ANKRD17: variants seen among roughly 807,000 people sequenced by gnomAD.
The protein encoded by ANKRD17 is ankyrin repeat domain 17, also known as ankyrin repeat domain-containing protein 17.
A neutral mutation model predicts 229.7 loss-of-function variants in ANKRD17; 19 were observed. The ratio of observed to expected loss-of-function variants is 0.08; its 90% CI spans 0.06 to 0.12. ANKRD17 has a LOEUF of 0.12. Ranked by LOEUF, ANKRD17 falls within the 10% of genes least tolerant of loss-of-function variation. ANKRD17 has a pLI of 1.00. For synonymous variants in ANKRD17, 1,112 were observed against 1,146.1 expected (o/e 0.97, Z 0.60); for missense variants, 2,176 against 3,176.8 (o/e 0.68, Z 7.57).
Position 73,156,032 on chromosome 4 carries a change from T to A in ANKRD17, c.839A>T (p.Tyr280Phe). 1 of 1,594,284 alleles carries A rather than the reference T, an allele frequency of 6.3e-7. No individual in the cohort carries two copies. Among genetic ancestry groups the A allele is most frequent in the Non-Finnish European group, 8.5e-7 (1 of 1,174,638 alleles). ...LLCLACSAGY[Y>F]ELAQVLLAMH... is the part of the protein sequence containing the mutation. ...GATAATACGAACCTGTGCAAGCTCA[T>A]AGTATCCAGCAGAACAAGCTAAACA... is the stretch of plus-strand genomic sequence containing the variant. Residue 280 changes from tyrosine to phenylalanine, a missense_variant, in exon 4 of 34, where the codon TAT (tyrosine) becomes TTT (phenylalanine). Physicochemically the swap from Tyr to Phe is conservative, Grantham distance 22. Transcript: ENST00000358602.
At chr4:73,177,017 G>T (rs961690178) in intron 2 of ANKRD17, among the ~76,000 whole-genome samples, 3 of 152,158 alleles carry the variant, frequency 2.0e-5, no homozygotes, top group Non-Finnish European at 2.9e-5. Context: ...TGCATGTAGG[G>T]TGATTCAAAT....
At chr4:73,125,426 A>G in intron 16 of ANKRD17, 114 bp from the exon 17 acceptor site, 1 of 809,390 alleles carries the variant, frequency 1.2e-6, no homozygotes. Context: ...ACTCTACAAT[A>G]TCAAGCATTT....
chr4:73,164,887 A>C (rs1027405679), intron 2 of ANKRD17, among the ~76,000 whole-genome samples: 2 of 150,414 alleles, frequency 1.3e-5, no homozygotes, highest in Admixed American at 6.6e-5. Flanking sequence ...ATTCAGATAG[A>C]GGGCACATTA....
At chr4:73,085,489 G>T in intron 29 of ANKRD17, 43 bp from the exon 30 acceptor site, 1 of 1,503,376 alleles carries the variant, frequency 6.7e-7, no homozygotes, top group Non-Finnish European at 9.2e-7. Context: ...AGTTACTCCT[G>T]CAAGAAATAG....
At chr4:73,236,859 G>A (rs1743558145) in intron 1 of ANKRD17, among the ~76,000 whole-genome samples, 1 of 152,176 alleles carries the variant, frequency 6.6e-6, no homozygotes, top group African/African-American at 2.4e-5. Context: ...AGGTTAAGTA[G>A]TAACTGTCCC....
chr4:73,159,972 T>C (rs1186267195), intron 3 of ANKRD17, among the ~76,000 whole-genome samples: 1 of 152,160 alleles, frequency 6.6e-6, no homozygotes, highest in Non-Finnish European at 1.5e-5. Flanking sequence ...CTCTTAAAAA[T>C]GTTGTATGAA....
intron 30 of ANKRD17, among the ~76,000 whole-genome samples, chr4:73,083,543 G>T (rs906214419): frequency 3.1e-4 from 47 of 152,102 alleles, no homozygotes; most frequent in African/African-American, 1.1e-3. Flanking sequence ...GAAATTTTTT[G>T]TAACAAAATA....
intron 16 of ANKRD17, among the ~76,000 whole-genome samples, chr4:73,132,494 G>C (rs1325683384): frequency 6.6e-6 from 1 of 152,026 alleles, no homozygotes; most frequent in Admixed American, 6.6e-5. Context: ...TTTTTTCCAA[G>C]GTAGGAACTT....
At chr4:73,199,662 T>C in intron 1 of ANKRD17, among the ~76,000 whole-genome samples, 1 of 152,184 alleles carries the variant, frequency 6.6e-6, no homozygotes, top group Non-Finnish European at 1.5e-5. Flanking sequence ...GCTTTATTAT[T>C]TAGTAGTACT....
rs146749027 is a variant in ANKRD17 at position 73,221,900 on chromosome 4, G to A, written c.393+36376C>T. Among the ~76,000 whole-genome samples, 68 of 152,218 alleles carry A rather than the reference G, an allele frequency of 4.5e-4. No individual in the cohort carries two copies. In the East Asian group the frequency reaches 0.012, roughly 26 times the overall value. ...AATGTCAGCTCCAAGCACACACTGA[G>A]GGACTCCAGAAAATACTCATTGATC... On this transcript the variant is annotated intron_variant, in intron 1 of 33. Coordinates refer to ENST00000358602, the MANE Select transcript of ANKRD17 (RefSeq NM_032217.5).
intron 16 of ANKRD17, among the ~76,000 whole-genome samples, chr4:73,126,248 C>T (rs186427963): frequency 1.3e-4 from 20 of 152,188 alleles, no homozygotes; most frequent in Admixed American, 1.2e-3. Context: ...TTGATCAGTC[C>T]ATGTGCATGA....
At chr4:73,159,380 T>C (rs1732200311) in intron 3 of ANKRD17, among the ~76,000 whole-genome samples, 1 of 152,214 alleles carries the variant, frequency 6.6e-6, no homozygotes, top group Non-Finnish European at 1.5e-5. Flanking sequence ...TCAATTTCCA[T>C]GTGTGTATAC....
rs539607863 is a variant in ANKRD17 at position 73,144,158 on chromosome 4, TAAG to T, written c.1957+584_1957+586del. On this transcript the variant is annotated intron_variant, in intron 11 of 33. Transcript: ENST00000358602. ...ACTAGAACTTTCCTAGTAAGCACGT[TAAG>T]AAACAATTTAAAGAAAGTAATAATA... Among the ~76,000 whole-genome samples the T allele has an allele frequency of 5.0e-4, 76 of 152,356 alleles. No individual in the cohort carries two copies. In the South Asian group the frequency reaches 0.015, roughly 30 times the overall value.
chr4:73,150,600 TAACTC>T (rs1730880531), intron 7 of ANKRD17, among the ~76,000 whole-genome samples: 1 of 152,170 alleles, frequency 6.6e-6, no homozygotes, highest in Non-Finnish European at 1.5e-5. Flanking sequence ...AAACAACAGA[TAACTC>T]AAGTCTTAAA....
At position 73,092,078 on chromosome 4, in the gene ANKRD17, T is replaced by C; in HGVS notation, c.5550A>G (p.Thr1850=). 6.2e-7 allele frequency: 1 copy of C among 1,614,250 alleles called. No individual in the cohort carries two copies. The highest frequency in any genetic ancestry group is 8.5e-7 in the Non-Finnish European group (1 of 1,180,056). The part of the protein sequence containing the change: ...VALSSTSQTA[T]ALTVPAISSA... ...AAGAAATTGCAGGCACAGTGAGTGC[T>C]GTGGCAGTTTGAGATGTTGATGACA... Residue 1850 remains threonine (T), a synonymous_variant, in exon 29 of 34, where the codon ACA becomes ACG. Coordinates refer to ENST00000358602, the MANE Select transcript of ANKRD17 (RefSeq NM_032217.5).
intron 2 of ANKRD17, among the ~76,000 whole-genome samples, chr4:73,162,977 G>T (rs1374276871): frequency 6.6e-6 from 1 of 151,110 alleles, no homozygotes; most frequent in African/African-American, 2.4e-5. Context: ...CCCCACTTTG[G>T]CCTCTTAAGC....
At chr4:73,194,846 T>C (rs1475984192) in intron 1 of ANKRD17, among the ~76,000 whole-genome samples, 3 of 152,150 alleles carry the variant, frequency 2.0e-5, no homozygotes, top group Non-Finnish European at 4.4e-5. Context: ...TTTTTATTTC[T>C]CTCATTAACT....
chr4:73,083,653 C>CTGGTGTAT (rs1721792126), intron 30 of ANKRD17, among the ~76,000 whole-genome samples: 1 of 152,042 alleles, frequency 6.6e-6, no homozygotes, highest in Non-Finnish European at 1.5e-5. Context: ...ATTAAAAAAC[C>CTGGTGTAT]TAACCTGGGT....
In ANKRD17 at chr4:73,101,572, G is replaced by A. The variant is rs529085052; in HGVS notation, c.4573+804C>T. Among the ~76,000 whole-genome samples the A allele has an allele frequency of 5.5e-4, 82 of 148,352 alleles. 1 individual carries two copies. The South Asian group carries it at 0.016, about 29-fold the overall frequency. On this transcript the variant is annotated intron_variant, in intron 25 of 33. Transcript: ENST00000358602. ...CCCAGCTACTTGGGAGGCTAAGGTG[G>A]GAGAATAGCTTGAACCCGGGAAACG...
Sources: gnomAD v4.1 joint callset for allele counts (sites outside exome capture counted in the v4.1 genomes callset) on GRCh38, gnomAD v4.1.1 for gene constraint, MANE v1.5 for transcripts, NCBI Gene and HGNC (gene_info 2026-07-23, HGNC 2026-07-21) for gene names.